Variants in LIMS1 observed in about 807,000 individuals in gnomAD.
The protein encoded by LIMS1 is LIM zinc finger domain containing 1, also known as LIM and senescent cell antigen-like-containing domain protein 1.
In LIMS1, 18 loss-of-function variants were observed where a neutral mutation model predicts 44.1. The ratio of observed to expected loss-of-function variants is 0.41; its 90% CI spans 0.28 to 0.61. The LOEUF is 0.61. LIMS1 is among the 20% of genes least tolerant of loss of function. The pLI is 0.32. For synonymous variants in LIMS1, 93 were observed against 149.1 expected (o/e 0.62, Z 2.74); for missense variants, 201 against 422.0 (o/e 0.48, Z 4.59).
chr2:108,537,750 T>A (rs907564555), intron 1 of LIMS1, among the ~76,000 whole-genome samples: 83 of 152,338 alleles, frequency 5.4e-4, no homozygotes, highest in African/African-American at 2.0e-3. Context: ...CCCTTTTCCC[T>A]TTGCTGTAGC....
intron 1 of LIMS1, among the ~76,000 whole-genome samples, chr2:108,624,278 T>C (rs996322217): frequency 6.6e-6 from 1 of 152,282 alleles, no homozygotes; most frequent in Non-Finnish European, 1.5e-5. Context: ...TTTTAAATTA[T>C]GTTGCATTCA....
chr2:108,637,467 G>GT, intron 1 of LIMS1, among the ~76,000 whole-genome samples: 1 of 152,266 alleles, frequency 6.6e-6, no homozygotes, highest in East Asian at 1.9e-4. Flanking sequence ...AGATAGCCTT[G>GT]ACTGAGTCAG....
chr2:108,625,548 C>G (rs1688518562), intron 1 of LIMS1, among the ~76,000 whole-genome samples: 1 of 152,022 alleles, frequency 6.6e-6, no homozygotes, highest in Non-Finnish European at 1.5e-5. Context: ...AAAATCAGGG[C>G]TACGTCAGCC....
intron 1 of LIMS1, among the ~76,000 whole-genome samples, chr2:108,635,014 A>C (rs1364619391): frequency 1.3e-5 from 2 of 152,176 alleles, no homozygotes; most frequent in East Asian, 3.8e-4. Flanking sequence ...TGGCCCCCAG[A>C]CATGTCACTG....
Position 108,601,445 on chromosome 2 carries a change from C to T in LIMS1, c.33-58160C>T, listed in dbSNP as rs59407435. 0.069 allele frequency among the ~76,000 whole-genome samples: 10,426 copies of T among 152,084 alleles called. 2,706 individuals carry two copies. In the East Asian group the frequency reaches 0.85, roughly 12 times the overall value. On this transcript the variant is annotated intron_variant, in intron 1 of 9. Transcript: ENST00000544547. ...ATGAGACCCAGTCACGAGTGCCCTT[C>T]GTGACTGGGCTTAAGGAACACAAAA...
At chr2:108,652,174 C>T (rs1389266832) in intron 1 of LIMS1, among the ~76,000 whole-genome samples, 2 of 151,306 alleles carry the variant, frequency 1.3e-5, no homozygotes, top group Non-Finnish European at 2.9e-5. Context: ...TAAGCATTCA[C>T]TTACCATACA....
chr2:108,533,724 TTTGATAGACGGAA>T (rs1332549206), upstream of LIMS1: 1 of 152,592 alleles, frequency 6.6e-6, no homozygotes, highest in Non-Finnish European at 1.5e-5. Flanking sequence ...AATTTCAGGT[TTTGATAGACGGAA>T]TGGGTGAAGA....
chr2:108,589,596 T>C (rs1686278533), intron 1 of LIMS1, among the ~76,000 whole-genome samples: 1 of 152,210 alleles, frequency 6.6e-6, no homozygotes, highest in African/African-American at 2.4e-5. Context: ...AGGTGTAATA[T>C]TAGGCTGTTA....
intron 1 of LIMS1, among the ~76,000 whole-genome samples, chr2:108,550,240 A>C (rs1684634894): frequency 6.6e-6 from 1 of 152,128 alleles, no homozygotes. Context: ...TCACCCCTGT[A>C]ATCCCAGCAC....
chr2:108,537,186 C>A (rs1684172485), intron 1 of LIMS1, among the ~76,000 whole-genome samples: 1 of 152,188 alleles, frequency 6.6e-6, no homozygotes, highest in Admixed American at 6.5e-5. Flanking sequence ...GCTACAGTGA[C>A]TTCTTAGGAA....
At chr2:108,566,858 A>C (rs1297106209) in intron 1 of LIMS1, among the ~76,000 whole-genome samples, 5 of 152,130 alleles carry the variant, frequency 3.3e-5, no homozygotes. Flanking sequence ...CAGCCTTCCA[A>C]CGTGCTGGGA....
At chr2:108,629,516 A>G (rs1688773321) in intron 1 of LIMS1, among the ~76,000 whole-genome samples, 2 of 152,240 alleles carry the variant, frequency 1.3e-5, no homozygotes, top group African/African-American at 4.8e-5. Context: ...AAAAAATGCA[A>G]GTATCAGTTA....
intron 1 of LIMS1, among the ~76,000 whole-genome samples, chr2:108,607,953 C>T (rs1288935562): frequency 6.6e-6 from 1 of 152,142 alleles, no homozygotes; most frequent in Non-Finnish European, 1.5e-5. Flanking sequence ...ACTTTGTGGA[C>T]TTACATACTC....
At chr2:108,623,814 T>G (rs1688402571) in intron 1 of LIMS1, among the ~76,000 whole-genome samples, 1 of 152,246 alleles carries the variant, frequency 6.6e-6, no homozygotes. Flanking sequence ...AGAAAAACTT[T>G]CAGAGACTAA....
At chr2:108,614,187 G>A (rs1687809683) in intron 1 of LIMS1, among the ~76,000 whole-genome samples, 1 of 152,144 alleles carries the variant, frequency 6.6e-6, no homozygotes, top group Admixed American at 6.5e-5. Context: ...TTAAACCTGT[G>A]TTCCCGGTTT....
At chr2:108,551,796 CTG>C (rs1283865208) in intron 1 of LIMS1, among the ~76,000 whole-genome samples, 4 of 143,320 alleles carry the variant, frequency 2.8e-5, no homozygotes, top group Non-Finnish European at 6.0e-5. Flanking sequence ...ACAGATATAT[CTG>C]TATATATGTA....
At chr2:108,542,179 T>C (rs1684338220) in intron 1 of LIMS1, among the ~76,000 whole-genome samples, 1 of 152,210 alleles carries the variant, frequency 6.6e-6, no homozygotes, top group South Asian at 2.1e-4. Context: ...TTGGTTTAGC[T>C]TGACTCTACA....
intron 1 of LIMS1, among the ~76,000 whole-genome samples, chr2:108,635,429 T>TAAAAAAAAAAAA (rs70956264): frequency 6.9e-5 from 6 of 86,722 alleles, no homozygotes; most frequent in African/African-American, 2.0e-4. Flanking sequence ...ACTTCATCTC[T>TAAAAAAAAAAAA]AAAAAAAAAA....
chr2:108,567,522 C>T (rs1047472936), intron 1 of LIMS1, among the ~76,000 whole-genome samples: 4 of 152,066 alleles, frequency 2.6e-5, no homozygotes, highest in Non-Finnish European at 5.9e-5. Context: ...CGACAGTAAA[C>T]GATGTGGTAC....
Sources: allele counts gnomAD v4.1 joint callset (sites outside exome capture counted in the v4.1 genomes callset), GRCh38; gene constraint gnomAD v4.1.1; transcripts MANE v1.5; gene names NCBI Gene and HGNC (gene_info 2026-07-23, HGNC 2026-07-21).